SPATA6L: variants seen among roughly 807,000 people sequenced by gnomAD.
SPATA6L encodes the protein spermatogenesis associated 6-like protein.
In SPATA6L, 68 loss-of-function variants were observed where a neutral mutation model predicts 49.2. That is an observed-to-expected ratio of 1.38 (90% CI 1.14 to 1.69). The LOEUF (loss-of-function observed/expected upper bound fraction) is 1.69, where lower values mean the gene tolerates loss of function less well. SPATA6L is among the 40% of genes most tolerant of loss of function. The pLI is 0.00. For missense variants in SPATA6L, 668 were observed against 464.3 expected, an observed-to-expected ratio of 1.44 and a Z score of -4.03; for synonymous variants, 198 against 165.7, an observed-to-expected ratio of 1.19 and a Z score of -1.50.
intron 5 of SPATA6L, chr9:4,627,670 G>A (rs1830597675): frequency 1.0e-5 from 12 of 1,160,248 alleles, no homozygotes; most frequent in Admixed American, 2.8e-5. Flanking sequence ...AGAAATTGGG[G>A]TGAGGGAGGC....
downstream of SPATA6L, among the ~76,000 whole-genome samples, chr9:4,596,230 C>A (rs553197200): frequency 6.6e-6 from 1 of 152,090 alleles, no homozygotes; most frequent in African/African-American, 2.4e-5. Context: ...CAGGGTCCTG[C>A]GCAATACTGA....
intron 3 of SPATA6L, among the ~76,000 whole-genome samples, chr9:4,654,585 C>T (rs1008804142): frequency 2.0e-5 from 3 of 152,208 alleles, no homozygotes; most frequent in Non-Finnish European, 4.4e-5. Flanking sequence ...AATAGGATCA[C>T]ACATGGGCTT....
intron 5 of SPATA6L, chr9:4,628,128 G>A (rs1830697914): frequency 4.5e-6 from 1 of 221,300 alleles, no homozygotes; most frequent in Non-Finnish European, 9.0e-6. Flanking sequence ...CTGAGGGGGA[G>A]TGGGGATGGT....
In SPATA6L at chr9:4,629,159, G is replaced by A. The variant is rs765716483; in HGVS notation, c.361C>T (p.Pro121Ser). 21 of 1,598,880 alleles carry A rather than the reference G, an allele frequency of 1.3e-5. No individual in the cohort carries two copies. The highest frequency in any genetic ancestry group is 1.5e-5 in the Non-Finnish European group (18 of 1,177,474). The change falls in exon 5 of 12, where the codon CCC (proline) becomes TCC (serine). Residue 121 changes from proline (P) to serine (S), a missense_variant. Physicochemically the swap from Pro to Ser is moderately conservative, Grantham distance 74. Transcript: ENST00000682582. Reference protein sequence around the residue: ...KTALGFPGIAPKIEFSTRTAI... With the variant: ...KTALGFPGIASKIEFSTRTAI... ...GTCCTTGTAGAAAACTCTATTTTGG[G>A]AGCAATGCCCTATAAAACAGCATAA...
intron 1 of SPATA6L, chr9:4,664,507 G>A (rs1441899462): frequency 6.0e-6 from 1 of 167,092 alleles, no homozygotes; most frequent in East Asian, 1.9e-4. Flanking sequence ...GTTCATCCAT[G>A]GTGCCTCCCC....
At chr9:4,626,512 C>A in intron 5 of SPATA6L, 1 of 1,304,352 alleles carries the variant, frequency 7.7e-7, no homozygotes, top group Non-Finnish European at 1.0e-6. Context: ...CTTTAAGCTT[C>A]TGTGTTCTTG....
intron 2 of SPATA6L, among the ~76,000 whole-genome samples, chr9:4,658,753 A>T (rs1290262110): frequency 6.6e-6 from 1 of 152,144 alleles, no homozygotes; most frequent in East Asian, 1.9e-4. Context: ...GCACTTTGGA[A>T]GGCCAAGGCG....
intron 3 of SPATA6L, among the ~76,000 whole-genome samples, chr9:4,639,923 G>A (rs1331670438): frequency 6.6e-6 from 1 of 152,222 alleles, no homozygotes; most frequent in African/African-American, 2.4e-5. Context: ...CTGTCATGAT[G>A]CCACACGGCT....
At chr9:4,656,441 A>G (rs10974713) in intron 2 of SPATA6L, among the ~76,000 whole-genome samples, 2 of 113,992 alleles carry the variant, frequency 1.8e-5, no homozygotes, top group South Asian at 3.1e-4. Flanking sequence ...CCTGTGAAAG[A>G]AAGGAAGGAA....
At chr9:4,602,714 G>A (rs1038944439) in intron 11 of SPATA6L, among the ~76,000 whole-genome samples, 1 of 152,112 alleles carries the variant, frequency 6.6e-6, no homozygotes, top group African/African-American at 2.4e-5. Context: ...TTCACACATG[G>A]GGAGACATGG....
At chr9:4,646,195 C>T in intron 3 of SPATA6L, 1 of 209,312 alleles carries the variant, frequency 4.8e-6, no homozygotes, top group East Asian at 1.0e-4. Context: ...TCAGCTAAGC[C>T]AGGACTGAAA....
chr9:4,595,004 T>C (rs867976486), downstream of SPATA6L, among the ~76,000 whole-genome samples: 2 of 152,180 alleles, frequency 1.3e-5, no homozygotes, highest in African/African-American at 4.8e-5. Flanking sequence ...GAAAAGTCCC[T>C]AAAGGATTTC....
chr9:4,625,621 T>A, intron 5 of SPATA6L, 55 bp from the exon 6 acceptor site: 1 of 1,303,936 alleles, frequency 7.7e-7, no homozygotes, highest in Non-Finnish European at 1.0e-6. Flanking sequence ...AAGAAGAAAA[T>A]TCAATCAGAA....
intron 4 of SPATA6L, among the ~76,000 whole-genome samples, chr9:4,632,204 G>C (rs1201917377): frequency 6.6e-6 from 1 of 151,430 alleles, no homozygotes; most frequent in African/African-American, 2.4e-5. Flanking sequence ...ATTTTCAGTA[G>C]AGACGAGGTT....
chr9:4,640,367 T>C (rs117786048), intron 3 of SPATA6L, among the ~76,000 whole-genome samples: 174 of 152,354 alleles, frequency 1.1e-3, no homozygotes, highest in Non-Finnish European at 2.1e-3. Context: ...TTACTTGTAT[T>C]ATTAATTTAC....
intron 9 of SPATA6L, among the ~76,000 whole-genome samples, chr9:4,607,538 C>G (rs1182170183): frequency 6.6e-6 from 1 of 152,162 alleles, no homozygotes; most frequent in Non-Finnish European, 1.5e-5. Flanking sequence ...CATATCCAGC[C>G]AAACTAAGCT....
At chr9:4,626,921 T>C (rs537267636) in intron 5 of SPATA6L, 2 of 164,444 alleles carry the variant, frequency 1.2e-5, no homozygotes, top group African/African-American at 4.8e-5. Context: ...TTTTTAAAAG[T>C]GTGATGTGTG....
Position 4,625,375 on chromosome 9 carries a change from A to C in SPATA6L, c.621T>G (p.Asn207Lys). ...QDQPAQLNLG[N>K]NFKISGGSKP... ...TGCTTCCTCCAGAGATTTTGAAATT[A>C]TTTCCAAGGTTCAACTGAGCTGGCT... Residue 207 changes from asparagine to lysine, a missense_variant, in exon 6 of 12, where the codon AAT (asparagine) becomes AAG (lysine). Transcript: ENST00000682582. 1 of 1,614,080 alleles carries C rather than the reference A, an allele frequency of 6.2e-7. No homozygotes were observed. The highest frequency in any genetic ancestry group is 8.5e-7 in the Non-Finnish European group (1 of 1,180,000).
At chr9:4,605,912 A>G (rs1037162585) in intron 9 of SPATA6L, among the ~76,000 whole-genome samples, 1 of 152,148 alleles carries the variant, frequency 6.6e-6, no homozygotes, top group Non-Finnish European at 1.5e-5. Context: ...GGTTCATCTC[A>G]CTAGGGAGTG....
Sources: gnomAD v4.1 joint callset for allele counts (sites outside exome capture counted in the v4.1 genomes callset) on GRCh38, gnomAD v4.1.1 for gene constraint, MANE v1.5 for transcripts, NCBI Gene and HGNC (gene_info 2026-07-23, HGNC 2026-07-21) for gene names.